Variants in HTR3E observed in about 807,000 individuals in gnomAD.
The protein encoded by HTR3E is 5-hydroxytryptamine (serotonin) receptor 3, family member E.
HTR3E carries 38 observed loss-of-function variants against 38.0 expected under a neutral mutation model. That is an observed-to-expected ratio of 1.00 (90% CI 0.77 to 1.31). The LOEUF (loss-of-function observed/expected upper bound fraction) is 1.31. Among genes scored for constraint, HTR3E ranks in the 50% most tolerant of loss-of-function variants. The probability of loss-of-function intolerance (pLI) is 0.00; values close to 1 mark genes in which losing one functional copy is unlikely to be tolerated. For synonymous variants in HTR3E, 210 were observed against 232.9 expected (o/e 0.90, Z 0.89); for missense variants, 547 against 585.2 (o/e 0.93, Z 0.67).
intron 2 of HTR3E, among the ~76,000 whole-genome samples, chr3:184,101,116 G>A (rs1712014332): frequency 6.6e-6 from 1 of 152,062 alleles, no homozygotes; most frequent in Admixed American, 6.6e-5. Flanking sequence ...GCTAATTTTT[G>A]TACTTTTAGT....
intron 3 of HTR3E, 144 bp from the exon 4 acceptor site, chr3:184,104,038 G>T: frequency 2.1e-5 from 10 of 475,608 alleles, no homozygotes; most frequent in East Asian, 7.4e-5. Context: ...AAATATTAAT[G>T]CCACAAAGTT....
chr3:184,103,746 G>A lies in HTR3E; in HGVS notation c.280-436G>A, dbSNP rs554181785. On this transcript the variant is annotated intron_variant, in intron 3 of 8. Transcript: ENST00000415389. ...CGAGAGGTGGAGGTTGCAGTGAGCC[G>A]AGATCACGCCACTGCACTCCAGCCT... Among the ~76,000 whole-genome samples, 12 of 149,396 alleles carry A rather than the reference G, an allele frequency of 8.0e-5. No homozygotes were observed. The South Asian group carries it at 2.1e-3, about 27-fold the overall frequency.
rs531486643 is a variant in HTR3E, at chr3:184,106,613, A to G, written c.1291A>G (p.Met431Val). ...VELWLQFSHA[M>V]DAMLFRLYLL... ...GCTGTGGTTGCAGTTCAGCCACGCG[A>G]TGGACGCCATGCTCTTCCGCCTCTA... Residue 431 changes from methionine to valine, a missense_variant, in exon 9 of 9, where the codon ATG (methionine) becomes GTG (valine). Coordinates refer to ENST00000415389, the MANE Select transcript of HTR3E (RefSeq NM_001256613.2). The surrounding 1 kb of genome is among the most constrained non-coding windows in gnomAD (Gnocchi z 4.1). 46 of 1,614,158 alleles carry G rather than the reference A, an allele frequency of 2.8e-5. No homozygotes were observed. The South Asian group carries it at 4.4e-4, about 15-fold the overall frequency.
chr3:184,100,301 G>A, intron 1 of HTR3E, 184 bp from the exon 2 acceptor site: 1 of 1,453,484 alleles, frequency 6.9e-7, no homozygotes, highest in Non-Finnish European at 9.5e-7. Context: ...ATAGGGGATT[G>A]GGAGGATTAA....
chr3:184,105,344 GGAGAA>G lies in HTR3E; in HGVS notation c.638_642del (p.Gly213ValfsTer21). ...ATCCCGGAACATCCTTCAGACCCATGGAGAATGGGAGCTCCTGGGCCTCAGCAAGG... is the reference window on the plus strand; with the variant it reads ...ATCCCGGAACATCCTTCAGACCCATGTGGGAGCTCCTGGGCCTCAGCAAGG... On this transcript the variant is annotated frameshift_variant, in exon 6 of 9. Transcript: ENST00000415389. LOFTEE classifies it high-confidence loss of function. 1 of 1,614,156 alleles carries G rather than the reference GGAGAA, an allele frequency of 6.2e-7. No individual in the cohort carries two copies.
In HTR3E at chr3:184,106,294, G is replaced by A. The variant is rs374233648; in HGVS notation, c.1092G>A (p.Ala364=). Residue 364 remains alanine, a synonymous_variant, in exon 8 of 9, where the codon GCG becomes GCA. Coordinates refer to ENST00000415389, the MANE Select transcript of HTR3E (RefSeq NM_001256613.2). This position sits in a 1 kb window ranked among gnomAD's most constrained non-coding sequence, Gnocchi z 4.1. ...CNSPGRCCPT[A]PQKENKGPGL... Reference sequence around the variant, plus strand: ...GCCCGGGGAGATGCTGTCCCACTGCGCCCCAGAAGGAAAATAAGGGCCCGG... The same window carrying A: ...GCCCGGGGAGATGCTGTCCCACTGCACCCCAGAAGGAAAATAAGGGCCCGG... 43 of 1,613,060 alleles carry A rather than the reference G, an allele frequency of 2.7e-5. No individual in the cohort carries two copies. Among genetic ancestry groups the A allele is most frequent in the Middle Eastern group, 1.8e-4 (1 of 5,544 alleles).
intron 2 of HTR3E, among the ~76,000 whole-genome samples, chr3:184,101,134 G>A (rs61612107): frequency 0.021 from 3,149 of 152,238 alleles, 97 homozygotes; most frequent in African/African-American, 0.069. Flanking sequence ...AGTAGAGACG[G>A]AGTTTCACCA....
intron 3 of HTR3E, 85 bp downstream of exon 3, chr3:184,101,614 C>A: frequency 8.7e-7 from 1 of 1,145,296 alleles, no homozygotes; most frequent in Non-Finnish European, 1.3e-6. Context: ...ATTTTTATGT[C>A]CCTAACATTG....
At chr3:184,100,324 A>G (rs951241598) in intron 1 of HTR3E, 161 bp from the exon 2 acceptor site, 5 of 1,556,700 alleles carry the variant, frequency 3.2e-6, no homozygotes, top group Non-Finnish European at 4.4e-6. Flanking sequence ...GAGGTAATCC[A>G]TTTTTAAAGG....
Position 184,106,507 on chromosome 3 carries a change from T to C in HTR3E, c.1185T>C (p.Pro395=). ...PEVSAGQMPG[P]AEAELTGGSE... is the part of the protein sequence containing the mutation. ...TATCAGCAGGGCAGATGCCGGGCCC[T>C]GCGGAGGCAGAGCTGACAGGGGGCT... Residue 395 remains proline (P), a synonymous_variant, in exon 9 of 9, where the codon CCT becomes CCC. Coordinates refer to ENST00000415389, the MANE Select transcript of HTR3E (RefSeq NM_001256613.2). The surrounding 1 kb of genome is among the most constrained non-coding windows in gnomAD (Gnocchi z 4.1). 2 of 1,611,240 alleles carry C rather than the reference T, an allele frequency of 1.2e-6. No individual in the cohort carries two copies. Among genetic ancestry groups the C allele is most frequent in the Non-Finnish European group, 1.7e-6 (2 of 1,178,390 alleles).
rs1306462562 is a variant in HTR3E, at chr3:184,105,807, C to G, written c.763C>G (p.Leu255Val). ...RRPSLYVINL[L>V]VPSGFLVAID... ...GCCCAGTCTCTATGTCATAAACCTT[C>G]TCGTGCCCAGTGGCTTTCTGGTTGC... Residue 255 changes from leucine to valine, a missense_variant, in exon 7 of 9, where the codon CTC (leucine) becomes GTC (valine). Physicochemically the swap from Leu to Val is conservative, Grantham distance 32. Transcript: ENST00000415389. 5 of 1,614,088 alleles carry G rather than the reference C, an allele frequency of 3.1e-6. No homozygotes were observed. Among genetic ancestry groups the G allele is most frequent in the Non-Finnish European group, 4.2e-6 (5 of 1,180,048 alleles).
chr3:184,105,933 A>G lies in HTR3E; in HGVS notation c.889A>G (p.Ser297Gly). 2 of 1,614,122 alleles carry G rather than the reference A, an allele frequency of 1.2e-6. No homozygotes were observed. The highest frequency in any genetic ancestry group is 1.7e-6 in the Non-Finnish European group (2 of 1,180,036). Residue 297 changes from serine to glycine, a missense_variant, in exon 7 of 9, where the codon AGT becomes GGT. By Grantham distance (56) the Ser-to-Gly change is moderately conservative. Transcript: ENST00000415389. ...LGYNVFLLMM[S>G]DLLPTSGTPL... ...CTACAACGTCTTCCTGCTCATGATG[A>G]GTGACTTGCTCCCCACCAGTGGCAC...
Position 184,097,477 on chromosome 3 carries a change from C to G in HTR3E, c.-53C>G, listed in dbSNP as rs1711724114. ...TAGGTGTGGCCTGTGCTGCTTTAAT[C>G]TGGGCATTCCTGGGTCCCAGTACAT... is the stretch of plus-strand genomic sequence containing the variant. On this transcript the variant is annotated 5_prime_UTR_variant, in exon 1 of 9. It adds an upstream start codon to the 5' untranslated region. Coordinates refer to ENST00000415389, the MANE Select transcript of HTR3E (RefSeq NM_001256613.2). 7.4e-7 allele frequency: 1 copy of G among 1,349,510 alleles called. No individual in the cohort carries two copies. Among genetic ancestry groups the G allele is most frequent in the Non-Finnish European group, 1.0e-6 (1 of 977,646 alleles). 83.6% of individuals were successfully genotyped at this position (1,349,510 alleles called of 1,614,324 possible).
rs1354405080 is a variant in HTR3E, at chr3:184,097,581, G to A, written c.52G>A (p.Gly18Ser). Residue 18 changes from glycine (G) to serine (S), a missense_variant, in exon 1 of 9, where the codon GGT (glycine) becomes AGT (serine). By Grantham distance (56) the Gly-to-Ser change is moderately conservative (BLOSUM62 0). Coordinates refer to ENST00000415389, the MANE Select transcript of HTR3E (RefSeq NM_001256613.2). ...AAGATTTTCCTTCTACCTCCTTCTC[G>A]GTTTTCTGCTTCAAGGTAAGAAAGG... is the stretch of plus-strand genomic sequence containing the variant. ...RKRFSFYLLLGFLLQGRGVTF... is the reference protein window; with the variant it reads ...RKRFSFYLLLSFLLQGRGVTF... 6 of 1,535,654 alleles carry A rather than the reference G, an allele frequency of 3.9e-6. No individual in the cohort carries two copies. Among genetic ancestry groups the A allele is most frequent in the African/African-American group, 1.4e-5 (1 of 73,034 alleles).
At position 184,106,639 on chromosome 3, in the gene HTR3E, C is replaced by T; in HGVS notation, c.1317C>T (p.Tyr439=). ...TGGACGCCATGCTCTTCCGCCTCTA[C>T]CTGCTCTTCATGGCCTCCTCTATCA... The part of the protein sequence containing the change: ...HAMDAMLFRL[Y]LLFMASSIIT... The change falls in exon 9 of 9, where the codon TAC becomes TAT. Residue 439 remains tyrosine, a synonymous_variant. Coordinates refer to ENST00000415389, the MANE Select transcript of HTR3E (RefSeq NM_001256613.2). The surrounding 1 kb of genome is among the most constrained non-coding windows in gnomAD (Gnocchi z 4.1). 6.2e-7 allele frequency: 1 copy of T among 1,614,202 alleles called. No homozygotes were observed. Among genetic ancestry groups the T allele is most frequent in the Non-Finnish European group, 8.5e-7 (1 of 1,180,040 alleles).
chr3:184,104,389 C>G (rs1338596690), intron 4 of HTR3E, 98 bp downstream of exon 4: 1 of 1,512,396 alleles, frequency 6.6e-7, no homozygotes, highest in Admixed American at 2.2e-5. Flanking sequence ...CTTTAGATGG[C>G]TAAGAAACAA....
intron 6 of HTR3E, 79 bp downstream of exon 6, chr3:184,105,506 C>T (rs1712372169): frequency 6.1e-6 from 9 of 1,472,252 alleles, no homozygotes; most frequent in South Asian, 5.4e-5. Context: ...TATGTATCTC[C>T]CAAGTTTCAG....
chr3:184,101,233 G>A (rs920775314), intron 2 of HTR3E, among the ~76,000 whole-genome samples: 4 of 152,150 alleles, frequency 2.6e-5, no homozygotes, highest in Non-Finnish European at 5.9e-5. Flanking sequence ...CACCGCGCCC[G>A]GCCACATCGA....
At chr3:184,105,666 C>A in intron 6 of HTR3E, 99 bp from the exon 7 acceptor site, 1 of 1,114,074 alleles carries the variant, frequency 9.0e-7, no homozygotes, top group Non-Finnish European at 1.3e-6. Context: ...TGATATCAGG[C>A]CAAAGAAAAA....
Sources: allele counts gnomAD v4.1 joint callset (sites outside exome capture counted in the v4.1 genomes callset), GRCh38; gene constraint gnomAD v4.1.1; non-coding constraint Gnocchi (gnomAD v3.1); transcripts MANE v1.5; gene names NCBI Gene and HGNC (gene_info 2026-07-23, HGNC 2026-07-21).